Variants in MAGT1 observed in about 807,000 individuals in gnomAD.
The protein encoded by MAGT1 is magnesium transporter 1.
MAGT1 carries 4 observed loss-of-function variants against 28.4 expected under a neutral mutation model. That is an observed-to-expected ratio of 0.14 (90% CI 0.07 to 0.32). The LOEUF (loss-of-function observed/expected upper bound fraction) is 0.32, where lower values mean the gene tolerates loss of function less well. Ranked by LOEUF, MAGT1 falls within the 10% of genes least tolerant of loss-of-function variation. The pLI, the probability that MAGT1 is intolerant of heterozygous loss-of-function variation, is 1.00. For synonymous variants in MAGT1, 89 were observed against 89.7 expected (o/e 0.99, Z 0.04); for missense variants, 193 against 264.5 (o/e 0.73, Z 1.88).
At chrX:77,830,563 C>T (rs1284649377) in intron 9 of MAGT1, among the ~76,000 whole-genome samples, 2 of 109,548 alleles carry the variant, frequency 1.8e-5, no homozygotes, top group African/African-American at 3.3e-5. Context: ...TGCAGTGAGC[C>T]GAGATTGCGC....
At chrX:77,835,736 T>C (rs1462765774) in intron 8 of MAGT1, among the ~76,000 whole-genome samples, 8 of 111,494 alleles carry the variant, frequency 7.2e-5, no homozygotes, top group Non-Finnish European at 1.3e-4. Flanking sequence ...GGTACATATA[T>C]ACAATGGAGT....
At chrX:77,838,823 C>A (rs1437118723) in intron 8 of MAGT1, among the ~76,000 whole-genome samples, 1 of 107,485 alleles carries the variant, frequency 9.3e-6, no homozygotes, top group Non-Finnish European at 1.9e-5. Flanking sequence ...AGATAAATGG[C>A]AAAAGACAAA....
rs536579134 is a variant in MAGT1 at position 77,879,835 on chromosome X, C to CTTTT, written c.103-4242_103-4239dup. ...TGGATTCTAAAAATGCATGATTTGCCTTTTTTTTTTTTTTTTTTTTAGACA... is the reference window on the plus strand; with the variant it reads ...TGGATTCTAAAAATGCATGATTTGCCTTTTTTTTTTTTTTTTTTTTTTTTAGACA... On this transcript the variant is annotated intron_variant, in intron 1 of 9. Transcript: ENST00000618282. Among the ~76,000 whole-genome samples the CTTTT allele has an allele frequency of 1.5e-4, 11 of 73,175 alleles. 1 individual carries two copies. Among genetic ancestry groups the CTTTT allele is most frequent in the Non-Finnish European group, 2.7e-4 (11 of 40,408 alleles). 63.5% of individuals were successfully genotyped at this position (73,175 alleles called of 115,157 possible). A position where few individuals can be genotyped will look rare whatever the true frequency, so the allele number is the denominator to read the frequency against.
intron 5 of MAGT1, among the ~76,000 whole-genome samples, 186 bp from the exon 6 acceptor site, chrX:77,855,776 A>G (rs2076979948): frequency 9.6e-6 from 1 of 104,454 alleles, no homozygotes; most frequent in Admixed American, 1.0e-4. Flanking sequence ...GGAAAACACT[A>G]TTTTTTTTTT....
intron 3 of MAGT1, among the ~76,000 whole-genome samples, chrX:77,870,448 T>A (rs2077017901): frequency 9.0e-6 from 1 of 111,311 alleles, no homozygotes; most frequent in South Asian, 3.7e-4. Flanking sequence ...TAAAGATATC[T>A]ATAGTATAGA....
At chrX:77,851,575 T>G (rs2076968583) in intron 7 of MAGT1, among the ~76,000 whole-genome samples, 2 of 111,573 alleles carry the variant, frequency 1.8e-5, no homozygotes, top group South Asian at 7.4e-4. Context: ...GGTTTCACCA[T>G]ATTGGCCGGG....
Position 77,828,762 on chromosome X carries a change from A to G in MAGT1, c.*458T>C, listed in dbSNP as rs112880685. On this transcript the variant is annotated 3_prime_UTR_variant, in exon 10 of 10. Transcript: ENST00000618282. Reference sequence around the variant, plus strand: ...ATGCGTAAAGTATACACATCCACACAAAGATGAAGAAGCTAAGAATGAATT... The same window carrying G: ...ATGCGTAAAGTATACACATCCACACGAAGATGAAGAAGCTAAGAATGAATT... 3 of 123,118 alleles carry G rather than the reference A, an allele frequency of 2.4e-5. No homozygotes were observed. The highest frequency in any genetic ancestry group is 9.7e-5 in the African/African-American group (3 of 31,047). 10.1% of individuals were successfully genotyped at this position (123,118 alleles called of 1,213,427 possible).
chrX:77,858,452 A>G (rs781934538), intron 3 of MAGT1, among the ~76,000 whole-genome samples: 7 of 111,442 alleles, frequency 6.3e-5, no homozygotes, highest in African/African-American at 2.3e-4. Context: ...CAGCCTCCCA[A>G]AGTGCTGGGT....
Position 77,875,641 on chromosome X carries a change from G to T in MAGT1, c.103-44C>A, listed in dbSNP as rs781845378. The T allele has an allele frequency of 2.2e-4, 255 of 1,140,904 alleles. 1 individual carries two copies. The South Asian group carries it at 4.3e-3, about 19-fold the overall frequency. The allele number at this position is 1,140,904 out of a possible 1,213,427, so 94.0% of individuals were successfully genotyped here. On this transcript the variant is annotated intron_variant, in intron 1 of 9. Coordinates refer to ENST00000618282, the MANE Select transcript of MAGT1 (RefSeq NM_001367916.1). ...GCATGCTATTAATATACTCAACTTGGCATTTAAAGTTCTTTTAATGAGGCA... is the reference window on the plus strand; with the variant it reads ...GCATGCTATTAATATACTCAACTTGTCATTTAAAGTTCTTTTAATGAGGCA...
At chrX:77,877,717 G>A (rs1236748998) in intron 1 of MAGT1, among the ~76,000 whole-genome samples, 1 of 107,707 alleles carries the variant, frequency 9.3e-6, no homozygotes, top group Non-Finnish European at 1.9e-5. Flanking sequence ...GGAGGCTGAG[G>A]CAGGAGAATC....
At chrX:77,841,821 G>T (rs1358585264) in intron 7 of MAGT1, among the ~76,000 whole-genome samples, 1 of 104,352 alleles carries the variant, frequency 9.6e-6, no homozygotes, top group African/African-American at 3.5e-5. Flanking sequence ...AACTACAGGT[G>T]CTCACCACCA....
chrX:77,842,046 T>G (rs1433073670), intron 7 of MAGT1, among the ~76,000 whole-genome samples: 1 of 109,224 alleles, frequency 9.2e-6, no homozygotes, highest in Admixed American at 1.0e-4. Flanking sequence ...ATTTGAAATA[T>G]ATATCATTTA....
chrX:77,887,792 T>C (rs2077071485), intron 1 of MAGT1, among the ~76,000 whole-genome samples: 1 of 112,272 alleles, frequency 8.9e-6, no homozygotes, highest in South Asian at 3.6e-4. Context: ...AAACAACTCC[T>C]AATGCAAATA....
At chrX:77,876,558 C>T (rs1476277516) in intron 1 of MAGT1, among the ~76,000 whole-genome samples, 1 of 110,621 alleles carries the variant, frequency 9.0e-6, no homozygotes, top group African/African-American at 3.3e-5. Context: ...CACAGAACAA[C>T]AGAACAAAAA....
At chrX:77,848,421 G>A (rs1304214907) in intron 7 of MAGT1, among the ~76,000 whole-genome samples, 1 of 112,173 alleles carries the variant, frequency 8.9e-6, no homozygotes, top group Admixed American at 9.5e-5. Context: ...GATCACCTAA[G>A]GTCAGGAGTT....
chrX:77,891,378 TCTGGCTATGTTGTTCAGG>T (rs2077082225), intron 1 of MAGT1, among the ~76,000 whole-genome samples: 1 of 98,638 alleles, frequency 1.0e-5, no homozygotes, highest in African/African-American at 3.7e-5. Context: ...TAGAGATGAG[TCTGGCTATGTTGTTCAGG>T]CTGGGCTCAA....
At chrX:77,854,121 T>C (rs2076975509) in intron 6 of MAGT1, among the ~76,000 whole-genome samples, 157 bp from the exon 7 acceptor site, 1 of 112,173 alleles carries the variant, frequency 8.9e-6, no homozygotes, top group Non-Finnish European at 1.9e-5. Flanking sequence ...TAAGTCTGGT[T>C]ACTATAAGGC....
At chrX:77,876,110 C>A (rs1341731260) in intron 1 of MAGT1, among the ~76,000 whole-genome samples, 1 of 91,578 alleles carries the variant, frequency 1.1e-5, no homozygotes, top group Non-Finnish European at 2.1e-5. Flanking sequence ...GGATTACAGG[C>A]ATGAGCCACC....
At chrX:77,849,831 C>A (rs2076962141) in intron 7 of MAGT1, among the ~76,000 whole-genome samples, 1 of 102,334 alleles carries the variant, frequency 9.8e-6, no homozygotes, top group African/African-American at 3.6e-5. Context: ...GCTGGGATCA[C>A]ACCATTGAAC....
Sources: gnomAD v4.1 joint callset for allele counts (sites outside exome capture counted in the v4.1 genomes callset) on GRCh38, gnomAD v4.1.1 for gene constraint, MANE v1.5 for transcripts, NCBI Gene and HGNC (gene_info 2026-07-23, HGNC 2026-07-21) for gene names.